The following RYR3 variants were observed in gnomAD, a reference collection of about 807,000 sequenced individuals.
RYR3 encodes brain ryanodine receptor-calcium release channel.
Under a neutral mutation model 584.3 loss-of-function variants are expected in RYR3, and 207 were observed. The ratio of observed to expected loss-of-function variants is 0.35; its 90% CI spans 0.32 to 0.40. The LOEUF is 0.40. Ranked by LOEUF, RYR3 falls within the 10% of genes least tolerant of loss-of-function variation. The pLI is 1.00. For missense variants in RYR3, 5,616 were observed against 6,089.2 expected (o/e 0.92, Z 2.59); for synonymous variants, 2,416 against 2,248.5 (o/e 1.07, Z -2.11).
chr15:33,496,757 C>T (rs563573730), intron 2 of RYR3, among the ~76,000 whole-genome samples: 63 of 152,194 alleles, frequency 4.1e-4, no homozygotes, highest in Middle Eastern at 6.8e-3. Context: ...TCGTCTTCAC[C>T]CCTCAGGCCA....
At chr15:33,826,900 G>A in intron 84 of RYR3, 148 bp downstream of exon 84, 1 of 677,116 alleles carries the variant, frequency 1.5e-6, no homozygotes. Context: ...TAAATATCAT[G>A]GCTAGTGATA....
intron 3 of RYR3, among the ~76,000 whole-genome samples, chr15:33,515,003 C>CA (rs766401569): frequency 1.5e-3 from 216 of 141,576 alleles, no homozygotes; most frequent in Middle Eastern, 3.7e-3. Context: ...GACTCTGTCT[C>CA]AAAAAAAAAA....
At position 33,667,694 on chromosome 15, in the gene RYR3, A is replaced by T. The variant is rs143187734; in HGVS notation, c.5620-1660A>T. Among the ~76,000 whole-genome samples the T allele has an allele frequency of 6.1e-3, 924 of 152,302 alleles. 15 individuals carry two copies. Among genetic ancestry groups the T allele is most frequent in the Admixed American group, 0.02 (313 of 15,296 alleles). On this transcript the variant is annotated intron_variant, in intron 36 of 103. Transcript: ENST00000634891. ...CCTATGTATTTTATTTTGTGCATTT[A>T]AAATATTAATCAGAGAAGCAATCCA...
In RYR3 at chr15:33,700,670, G is replaced by A. The variant is rs572524911; in HGVS notation, c.6380-307G>A. Among the ~76,000 whole-genome samples, 154 of 152,294 alleles carry A rather than the reference G, an allele frequency of 1.0e-3. 6 individuals carry two copies. In the Middle Eastern group the frequency reaches 0.017, roughly 17 times the overall value. ...GGTTCCACTGGGCTTAGTTGGTCGAGTGGCATCTGATATGGGGGCCTCAAG... is the reference window on the plus strand; with the variant it reads ...GGTTCCACTGGGCTTAGTTGGTCGAATGGCATCTGATATGGGGGCCTCAAG... On this transcript the variant is annotated intron_variant, in intron 41 of 103. Coordinates refer to ENST00000634891, the MANE Select transcript of RYR3 (RefSeq NM_001036.6).
intron 101 of RYR3, 111 bp downstream of exon 101, chr15:33,860,770 C>T (rs745826303): frequency 1.3e-5 from 11 of 872,630 alleles, no homozygotes; most frequent in African/African-American, 8.5e-5. Flanking sequence ...TAAGCAAGAA[C>T]GCAGTTTGTT....
chr15:33,622,700 C>CT (rs11400923), intron 19 of RYR3, among the ~76,000 whole-genome samples: 25,582 of 152,054 alleles, frequency 0.17, 2,557 homozygotes, highest in Admixed American at 0.24. Flanking sequence ...TATATATTGG[C>CT]TTTTTTCCAG....
chr15:33,710,551 AC>A (rs2067035558), intron 43 of RYR3, among the ~76,000 whole-genome samples: 1 of 151,862 alleles, frequency 6.6e-6, no homozygotes, highest in Non-Finnish European at 1.5e-5. Context: ...ACTAGGCAGT[AC>A]CCCAGGAGGG....
chr15:33,706,888 C>T (rs373797303), intron 42 of RYR3, 31 bp from the exon 43 acceptor site: 67 of 1,565,416 alleles, frequency 4.3e-5, no homozygotes, highest in Non-Finnish European at 5.2e-5. Flanking sequence ...CTAATGCGTG[C>T]GAAAGAACAC....
Position 33,467,082 on chromosome 15 carries a change from C to T in RYR3, c.52-6337C>T, listed in dbSNP as rs140073183. ...TCTTAGAATAAGTGCACACCCATAT[C>T]TTCATATATTTAGAAAGTAGCTTAA... On this transcript the variant is annotated intron_variant, in intron 1 of 103. Transcript: ENST00000634891. Among the ~76,000 whole-genome samples, 474 of 152,310 alleles carry T rather than the reference C, an allele frequency of 3.1e-3. 2 individuals are homozygous for T. Among genetic ancestry groups the T allele is most frequent in the African/African-American group, 9.4e-3 (390 of 41,566 alleles).
rs137912155 is a variant in RYR3 at position 33,465,292 on chromosome 15, T to G, written c.52-8127T>G. Among the ~76,000 whole-genome samples, 942 of 152,322 alleles carry G rather than the reference T, an allele frequency of 6.2e-3. 8 individuals are homozygous for G. The highest frequency in any genetic ancestry group is 0.01 in the Non-Finnish European group (689 of 68,046). On this transcript the variant is annotated intron_variant, in intron 1 of 103. Transcript: ENST00000634891. ...GTATATCTATATCTATCGATAGATA[T>G]CTATATCTATATTCAGAAGCAGGAT...
intron 19 of RYR3, among the ~76,000 whole-genome samples, chr15:33,616,542 G>A (rs532959804): frequency 1.4e-4 from 22 of 152,330 alleles, no homozygotes; most frequent in Non-Finnish European, 2.8e-4. Context: ...AAAGTTGCAA[G>A]AGAAGAAGAA....
chr15:33,559,088 G>A (rs543781985), intron 10 of RYR3, among the ~76,000 whole-genome samples: 101 of 152,300 alleles, frequency 6.6e-4, no homozygotes, highest in Admixed American at 1.8e-3. Flanking sequence ...GGGGTCCAGA[G>A]GGTAAAGGAG....
chr15:33,742,532 T>A, intron 52 of RYR3, 88 bp downstream of exon 52: 1 of 867,348 alleles, frequency 1.2e-6, no homozygotes, highest in Middle Eastern at 2.2e-4. Flanking sequence ...TCTGCCTGAT[T>A]TGTCTAAGTA....
chr15:33,434,669 T>C (rs905196436), intron 1 of RYR3, among the ~76,000 whole-genome samples: 2 of 152,212 alleles, frequency 1.3e-5, no homozygotes, highest in East Asian at 3.8e-4. Flanking sequence ...TAACAGGGTA[T>C]TACCGATAAC....
rs185722147 is a variant in RYR3, at chr15:33,647,060, T to C, written c.3942-364T>C. Among the ~76,000 whole-genome samples, 5 of 152,366 alleles carry C rather than the reference T, an allele frequency of 3.3e-5. No homozygotes were observed. The East Asian group carries it at 9.6e-4, about 29-fold the overall frequency. On this transcript the variant is annotated intron_variant, in intron 29 of 103. Transcript: ENST00000634891. ...ATGTCTGCTGCCTGGAGCCGTCTTG[T>C]TGGGGTTTCCTCTAGAGTTTTGCTT...
chr15:33,452,490 A>G (rs529278830), intron 1 of RYR3, among the ~76,000 whole-genome samples: 2 of 152,322 alleles, frequency 1.3e-5, no homozygotes, highest in East Asian at 3.9e-4. Flanking sequence ...TTCTATTATT[A>G]TAAGAAGACA....
At chr15:33,621,284 C>T (rs2060711666) in intron 19 of RYR3, among the ~76,000 whole-genome samples, 1 of 152,278 alleles carries the variant, frequency 6.6e-6, no homozygotes, top group African/African-American at 2.4e-5. Flanking sequence ...CACTTACTTG[C>T]TATACAAGCT....
chr15:33,698,181 G>T (rs2065998115), intron 40 of RYR3, among the ~76,000 whole-genome samples, 185 bp downstream of exon 40: 1 of 152,198 alleles, frequency 6.6e-6, no homozygotes, highest in Non-Finnish European at 1.5e-5. Context: ...ATCCCATTGT[G>T]TAAGAGCTCT....
In RYR3 at chr15:33,658,633, G is replaced by A. The variant is rs115618112; in HGVS notation, c.4309-1087G>A. Reference sequence around the variant, plus strand: ...GTTTATATTTGCTTCAACCTAAAAGGTTTCAGTTGGTGGAATTAAAGTCCC... The same window carrying A: ...GTTTATATTTGCTTCAACCTAAAAGATTTCAGTTGGTGGAATTAAAGTCCC... On this transcript the variant is annotated intron_variant, in intron 32 of 103. Transcript: ENST00000634891. Among the ~76,000 whole-genome samples, 351 of 152,284 alleles carry A rather than the reference G, an allele frequency of 2.3e-3. 1 individual carries two copies. Among genetic ancestry groups the A allele is most frequent in the African/African-American group, 8.2e-3 (340 of 41,550 alleles).
Sources: gnomAD v4.1 joint callset for allele counts (sites outside exome capture counted in the v4.1 genomes callset) on GRCh38, gnomAD v4.1.1 for gene constraint, MANE v1.5 for transcripts, NCBI Gene and HGNC (gene_info 2026-07-23, HGNC 2026-07-21) for gene names.